The following LRMDA variants were observed in gnomAD, a reference collection of about 807,000 sequenced individuals.
LRMDA encodes the protein leucine-rich melanocyte differentiation-associated protein.
Under a neutral mutation model 29.8 loss-of-function variants are expected in LRMDA, and 18 were observed. That is an observed-to-expected ratio of 0.60 (90% CI 0.42 to 0.90). LRMDA has a LOEUF of 0.90. Among genes scored for constraint, LRMDA ranks in the 40% least tolerant of loss-of-function variants. LRMDA has a pLI of 0.00. For missense variants in LRMDA, 273 were observed against 273.9 expected (o/e 1.00, Z 0.02); for synonymous variants, 125 against 109.4 (o/e 1.14, Z -0.89).
At chr10:76,191,644 G>T (rs532138868) in intron 5 of LRMDA, among the ~76,000 whole-genome samples, 1 of 152,202 alleles carries the variant, frequency 6.6e-6, no homozygotes, top group African/African-American at 2.4e-5. Context: ...AAACCACCCT[G>T]TAGGGCCCTT....
Position 76,417,500 on chromosome 10 carries a change from C to T in LRMDA, c.601+93015C>T, listed in dbSNP as rs371416887. Among the ~76,000 whole-genome samples the T allele has an allele frequency of 4.1e-4, 62 of 152,154 alleles. 1 individual carries two copies. Among genetic ancestry groups the T allele is most frequent in the African/African-American group, 1.4e-3 (60 of 41,538 alleles). The stretch of plus-strand genomic sequence containing the variant: ...AAAAAAAAAATACTGGCAATGGCCC[C>T]TGCCCCCCACAAACTCTCTCATATC... On this transcript the variant is annotated intron_variant, in intron 6 of 6. Transcript: ENST00000611255.
intron 6 of LRMDA, among the ~76,000 whole-genome samples, chr10:76,418,308 A>G (rs1842037678): frequency 6.7e-6 from 1 of 149,066 alleles, no homozygotes; most frequent in African/African-American, 2.4e-5. Context: ...AGTTAACTCA[A>G]TAATAATTTT....
chr10:75,875,835 T>C (rs935843633), intron 2 of LRMDA, among the ~76,000 whole-genome samples: 1 of 151,952 alleles, frequency 6.6e-6, no homozygotes, highest in Non-Finnish European at 1.5e-5. Context: ...TTGGACTCTG[T>C]TGGGAAGACA....
chr10:75,488,335 A>G (rs951771321), intron 2 of LRMDA, among the ~76,000 whole-genome samples: 10 of 152,342 alleles, frequency 6.6e-5, no homozygotes, highest in Middle Eastern at 6.8e-3. Context: ...GTGAACTGAA[A>G]GGGACTTCAA....
rs1251866078 is a variant in LRMDA at position 76,036,018 on chromosome 10, G to A, written c.142G>A (p.Gly48Arg). The change falls in exon 3 of 7, where the codon GGA (glycine) becomes AGA (arginine). Residue 48 changes from glycine to arginine, a missense_variant. By Grantham distance (125) the Gly-to-Arg change is moderately radical (BLOSUM62 -2). Coordinates refer to ENST00000611255, the MANE Select transcript of LRMDA (RefSeq NM_001305581.2). ...CCTTTGTCATTGCAGGTCACTGGAA[G>A]GACTGAGCGCATTCAGGAGCCTGGA... is the stretch of plus-strand genomic sequence containing the variant. ...LSFNLLRSLEGLSAFRSLEEL... is the reference protein window; with the variant it reads ...LSFNLLRSLERLSAFRSLEEL... The A allele has an allele frequency of 6.2e-7, 1 of 1,614,020 alleles. No individual in the cohort carries two copies. The highest frequency in any genetic ancestry group is 1.1e-5 in the South Asian group (1 of 91,038).
chr10:76,347,594 A>T (rs1363693903), intron 6 of LRMDA, among the ~76,000 whole-genome samples: 1 of 152,186 alleles, frequency 6.6e-6, no homozygotes, highest in Non-Finnish European at 1.5e-5. Context: ...TAGTACTTAC[A>T]TGCCTCTGGG....
At chr10:76,429,566 C>T (rs907199341) in intron 6 of LRMDA, among the ~76,000 whole-genome samples, 2 of 151,818 alleles carry the variant, frequency 1.3e-5, no homozygotes, top group Non-Finnish European at 2.9e-5. Flanking sequence ...TGACGGGTTG[C>T]GTTTCATTAA....
chr10:75,983,902 G>C (rs113657559), intron 2 of LRMDA, among the ~76,000 whole-genome samples: 14 of 152,280 alleles, frequency 9.2e-5, no homozygotes, highest in African/African-American at 2.9e-4. Context: ...TGGTCCACCT[G>C]CCTTGGCCTC....
chr10:75,642,801 G>A lies in LRMDA; in HGVS notation c.131+204307G>A, dbSNP rs528061035. ...TCTAGAGTTAGCAGACCCAGGCTCTGGTTCTCACATGGCCTTTGCTCCCTC... is the reference window on the plus strand; with the variant it reads ...TCTAGAGTTAGCAGACCCAGGCTCTAGTTCTCACATGGCCTTTGCTCCCTC... On this transcript the variant is annotated intron_variant, in intron 2 of 6. Coordinates refer to ENST00000611255, the MANE Select transcript of LRMDA (RefSeq NM_001305581.2). The A allele has an allele frequency of 2.0e-5, 3 of 152,328 alleles. No individual in the cohort carries two copies. The South Asian group carries it at 6.2e-4, about 32-fold the overall frequency. 9.4% of individuals were successfully genotyped at this position (152,328 alleles called of 1,614,324 possible). A position where few individuals can be genotyped will look rare whatever the true frequency, so the allele number is the denominator to read the frequency against.
intron 6 of LRMDA, among the ~76,000 whole-genome samples, chr10:76,413,538 C>T (rs900989992): frequency 6.6e-6 from 1 of 152,144 alleles, no homozygotes; most frequent in African/African-American, 2.4e-5. Context: ...GGGAAACTGA[C>T]CCCATGACTC....
At chr10:75,626,286 C>T (rs969159781) in intron 2 of LRMDA, among the ~76,000 whole-genome samples, 28 of 152,172 alleles carry the variant, frequency 1.8e-4, no homozygotes, top group Non-Finnish European at 1.8e-4. Context: ...CATGGAATGA[C>T]AGCCCGACAT....
At chr10:75,560,889 T>C (rs1319734439) in intron 2 of LRMDA, among the ~76,000 whole-genome samples, 1 of 152,140 alleles carries the variant, frequency 6.6e-6, no homozygotes, top group Non-Finnish European at 1.5e-5. Context: ...GAAGCCCACT[T>C]GATCATGGTG....
intron 2 of LRMDA, among the ~76,000 whole-genome samples, chr10:75,772,099 C>G (rs562490477): frequency 1.3e-5 from 2 of 152,308 alleles, no homozygotes; most frequent in Admixed American, 6.5e-5. Context: ...GTAGCTGCAG[C>G]TATGCTCTAA....
intron 2 of LRMDA, among the ~76,000 whole-genome samples, chr10:75,862,796 C>T (rs1450131177): frequency 2.6e-5 from 4 of 152,114 alleles, no homozygotes; most frequent in African/African-American, 4.8e-5. Flanking sequence ...TCAAAGTACC[C>T]TCAGGATGTT....
At chr10:76,215,420 A>G (rs1430729706) in intron 5 of LRMDA, among the ~76,000 whole-genome samples, 1 of 152,156 alleles carries the variant, frequency 6.6e-6, no homozygotes, top group East Asian at 1.9e-4. Flanking sequence ...TCTGAGCTCC[A>G]ATAGCCTCAG....
intron 6 of LRMDA, among the ~76,000 whole-genome samples, chr10:76,528,175 A>C (rs1484543276): frequency 6.6e-6 from 1 of 152,174 alleles, no homozygotes; most frequent in African/African-American, 2.4e-5. Flanking sequence ...TTCCAAGACA[A>C]GAATCCAAGA....
At chr10:75,841,737 T>C (rs1281060694) in intron 2 of LRMDA, among the ~76,000 whole-genome samples, 1 of 152,190 alleles carries the variant, frequency 6.6e-6, no homozygotes, top group Non-Finnish European at 1.5e-5. Flanking sequence ...ACCTGCACGT[T>C]CTAAAAGAAA....
intron 2 of LRMDA, among the ~76,000 whole-genome samples, chr10:75,784,758 C>T (rs117520529): frequency 0.035 from 5,329 of 150,450 alleles, 141 homozygotes; most frequent in Non-Finnish European, 0.055. Context: ...AGTGGGTCAA[C>T]AGTCTCAAAG....
At chr10:75,777,651 C>T (rs189884980) in intron 2 of LRMDA, among the ~76,000 whole-genome samples, 50 of 152,286 alleles carry the variant, frequency 3.3e-4, no homozygotes, top group Non-Finnish European at 4.9e-4. Context: ...TGTGGTCTAG[C>T]GGTTAAGAGT....
Sources: gnomAD v4.1 joint callset for allele counts (sites outside exome capture counted in the v4.1 genomes callset) on GRCh38, gnomAD v4.1.1 for gene constraint, MANE v1.5 for transcripts, NCBI Gene and HGNC (gene_info 2026-07-23, HGNC 2026-07-21) for gene names.